The following MEI1 variants were observed in gnomAD, a reference collection of about 807,000 sequenced individuals.
MEI1 encodes meiosis inhibitor protein 1.
A neutral mutation model predicts 146.2 loss-of-function variants in MEI1; 103 were observed. The ratio of observed to expected loss-of-function variants is 0.70; its 90% CI spans 0.60 to 0.83. The LOEUF (loss-of-function observed/expected upper bound fraction) is 0.83. MEI1 is among the 40% of genes least tolerant of loss of function. The pLI, the probability that MEI1 is intolerant of heterozygous loss-of-function variation, is 0.00. For synonymous variants in MEI1, 652 were observed against 628.2 expected (o/e 1.04, Z -0.57); for missense variants, 1,529 against 1,533.0 (o/e 1.00, Z 0.04).
At chr22:41,764,419 A>C (rs994126306) in intron 19 of MEI1, among the ~76,000 whole-genome samples, 1 of 152,230 alleles carries the variant, frequency 6.6e-6, no homozygotes, top group Non-Finnish European at 1.5e-5. Flanking sequence ...TTGTGTGCCC[A>C]GGTGTGTCTT....
chr22:41,773,579 A>G lies in MEI1; in HGVS notation c.2545-2523A>G, dbSNP rs901178493. On this transcript the variant is annotated intron_variant, in intron 20 of 30. Coordinates refer to ENST00000401548, the MANE Select transcript of MEI1 (RefSeq NM_152513.4). ...CAATGGTAAAAAAAAAAAAAAAAAA[A>G]AAGAACAGCAAGGAGGCCGGGCGCG... Among the ~76,000 whole-genome samples the G allele has an allele frequency of 1.2e-4, 16 of 130,930 alleles. No homozygotes were observed. The South Asian group carries it at 1.9e-3, about 16-fold the overall frequency. The allele number at this position is 130,930 out of a possible 152,430, so 85.9% of individuals were successfully genotyped here.
intron 3 of MEI1, among the ~76,000 whole-genome samples, chr22:41,711,535 C>G (rs1465032844): frequency 6.6e-6 from 1 of 152,216 alleles, no homozygotes. Context: ...AACCATCAGA[C>G]CTCAGGAACT....
intron 5 of MEI1, among the ~76,000 whole-genome samples, chr22:41,716,921 C>G (rs1462251105): frequency 6.7e-6 from 1 of 149,046 alleles, no homozygotes; most frequent in Non-Finnish European, 1.5e-5. Context: ...GATCTCCTGA[C>G]CTGCTGTTGG....
intron 20 of MEI1, 119 bp from the exon 21 acceptor site, chr22:41,775,983 A>T: frequency 2.0e-6 from 2 of 1,003,042 alleles, no homozygotes; most frequent in Non-Finnish European, 3.0e-6. Flanking sequence ...TAAGTGACAG[A>T]TTACCCAGTT....
intron 11 of MEI1, among the ~76,000 whole-genome samples, chr22:41,737,534 C>T (rs113039246): frequency 2.0e-5 from 3 of 150,948 alleles, no homozygotes; most frequent in Admixed American, 6.6e-5. Flanking sequence ...CCACCGCGCC[C>T]GGCCTCTTTT....
At chr22:41,757,744 A>G (rs1327386915) in intron 17 of MEI1, among the ~76,000 whole-genome samples, 1 of 152,050 alleles carries the variant, frequency 6.6e-6, no homozygotes, top group Non-Finnish European at 1.5e-5. Flanking sequence ...TGCCTGTCTC[A>G]TTATGTGTCT....
intron 16 of MEI1, among the ~76,000 whole-genome samples, chr22:41,753,364 C>T (rs184043652): frequency 5.2e-4 from 79 of 151,982 alleles, no homozygotes; most frequent in African/African-American, 1.8e-3. Context: ...ACCTTTAGTC[C>T]CAGATACTCA....
Position 41,732,316 on chromosome 22 carries a change from C to T in MEI1, c.1168C>T (p.Leu390=). The T allele has an allele frequency of 1.9e-6, 3 of 1,612,790 alleles. No homozygotes were observed. The highest frequency in any genetic ancestry group is 8.5e-7 in the Non-Finnish European group (1 of 1,179,454). ...CAACATAGAGCTGCACAAGCAGGGCCTGCTGCTTTTCGCTGAAATCCTGAC... is the reference window on the plus strand; with the variant it reads ...CAACATAGAGCTGCACAAGCAGGGCTTGCTGCTTTTCGCTGAAATCCTGAC... The part of the protein sequence containing the change: ...MNNIELHKQG[L]LLFAEILTRQ... Residue 390 remains leucine, a synonymous_variant, in exon 10 of 31, where the codon CTG becomes TTG. Coordinates refer to ENST00000401548, the MANE Select transcript of MEI1 (RefSeq NM_152513.4).
At chr22:41,717,196 A>G (rs950881692) in intron 5 of MEI1, among the ~76,000 whole-genome samples, 9 of 152,030 alleles carry the variant, frequency 5.9e-5, no homozygotes, top group African/African-American at 2.2e-4. Context: ...TAATTTTTTG[A>G]GACAGAACCG....
intron 18 of MEI1, 63 bp from the exon 19 acceptor site, chr22:41,763,111 A>T: frequency 1.3e-6 from 2 of 1,583,746 alleles, no homozygotes; most frequent in Non-Finnish European, 1.7e-6. Context: ...GGCCAGGCAG[A>T]ATAGAAGAGC....
chr22:41,721,859 T>TGTC lies in MEI1; in HGVS notation c.734-2084_734-2083insGTC, dbSNP rs924697471. ...CCACAGCCTCCCGAGTAGCTGGGAC[T>TGTC]ACAGGCGCGTGCTACCATGCCCGAC... is the stretch of plus-strand genomic sequence containing the variant. On this transcript the variant is annotated intron_variant, in intron 6 of 30. Transcript: ENST00000401548. Among the ~76,000 whole-genome samples the TGTC allele has an allele frequency of 4.7e-5, 7 of 150,432 alleles. No individual in the cohort carries two copies. The Admixed American group carries it at 4.7e-4, about 10-fold the overall frequency.
At chr22:41,778,873 A>C in intron 22 of MEI1, 61 bp downstream of exon 22, 1 of 1,185,162 alleles carries the variant, frequency 8.4e-7, no homozygotes, top group African/African-American at 1.5e-5. Context: ...GTGGGTGCTC[A>C]CTAAGTAGGC....
rs368900227 is a variant in MEI1 at position 41,718,121 on chromosome 22, A to T, written c.580A>T (p.Ile194Leu). 5.6e-6 allele frequency: 9 copies of T among 1,613,662 alleles called. No individual in the cohort carries two copies. Among genetic ancestry groups the T allele is most frequent in the Non-Finnish European group, 7.6e-6 (9 of 1,179,890 alleles). Residue 194 changes from isoleucine (I) to leucine (L), a missense_variant, in exon 6 of 31, where the codon ATA becomes TTA. Ile to Leu is a conservative substitution (Grantham distance 5, BLOSUM62 2). This residue lies in a region of MEI1 where 1,212 missense variants were observed against 1,178.9 expected (regional missense o/e 1.03). Transcript: ENST00000401548. ...AGGCTTAGTATACCCCAGTGAGGGC[A>T]TACAAGCTTCTGTCTGTTACCTTTA... The part of the protein sequence containing the change: ...LRGLVYPSEG[I>L]QASVCYLYGK...
At chr22:41,768,275 G>C (rs771444499) in intron 19 of MEI1, among the ~76,000 whole-genome samples, 3 of 151,918 alleles carry the variant, frequency 2.0e-5, no homozygotes, top group Non-Finnish European at 4.4e-5. Context: ...CCAGCTACTC[G>C]GGAGGCTGAG....
At chr22:41,780,846 A>G (rs944357955) in intron 22 of MEI1, among the ~76,000 whole-genome samples, 1 of 151,894 alleles carries the variant, frequency 6.6e-6, no homozygotes, top group African/African-American at 2.4e-5. Flanking sequence ...CTGCCTCCCA[A>G]AGTGTTGGGA....
chr22:41,775,893 C>A (rs1485991663), intron 20 of MEI1, among the ~76,000 whole-genome samples: 1 of 152,120 alleles, frequency 6.6e-6, no homozygotes, highest in Non-Finnish European at 1.5e-5. Context: ...CATGCACGGC[C>A]TAGGATGGAC....
intron 6 of MEI1, among the ~76,000 whole-genome samples, chr22:41,721,151 G>A (rs1214503475): frequency 6.7e-6 from 1 of 149,032 alleles, no homozygotes; most frequent in Non-Finnish European, 1.5e-5. Context: ...TTGACTTCAT[G>A]ATCCGCCCAT....
intron 26 of MEI1, among the ~76,000 whole-genome samples, chr22:41,792,202 C>G (rs2076204326): frequency 1.3e-5 from 2 of 152,098 alleles, no homozygotes; most frequent in South Asian, 4.1e-4. Flanking sequence ...GACAGTGAAG[C>G]CTAAGCTAGG....
At chr22:41,745,205 G>A in intron 13 of MEI1, 141 bp downstream of exon 13, 1 of 567,268 alleles carries the variant, frequency 1.8e-6, no homozygotes, top group Non-Finnish European at 2.9e-6. Flanking sequence ...TGGGGTAGGG[G>A]TTGGGGGTGT....
Sources: allele counts gnomAD v4.1 joint callset (sites outside exome capture counted in the v4.1 genomes callset), GRCh38; gene constraint gnomAD v4.1.1; regional missense constraint gnomAD v4.1.1; transcripts MANE v1.5; gene names NCBI Gene and HGNC (gene_info 2026-07-23, HGNC 2026-07-21).